The following AGBL4 variants were observed in gnomAD, a reference collection of about 807,000 sequenced individuals.
AGBL4 encodes AGBL carboxypeptidase 4.
A neutral mutation model predicts 66.4 loss-of-function variants in AGBL4; 58 were observed. The ratio of observed to expected loss-of-function variants is 0.87; its 90% CI spans 0.71 to 1.09. The LOEUF (loss-of-function observed/expected upper bound fraction) is 1.09, where lower values mean the gene tolerates loss of function less well. Ranked by LOEUF, AGBL4 falls within the 50% of genes least tolerant of loss-of-function variation. AGBL4 has a pLI of 0.00. For synonymous variants in AGBL4, 234 were observed against 222.9 expected, an observed-to-expected ratio of 1.05 and a Z score of -0.44; for missense variants, 579 against 631.0, an observed-to-expected ratio of 0.92 and a Z score of 0.88.
chr1:49,231,370 G>A (rs889406513), intron 4 of AGBL4, among the ~76,000 whole-genome samples: 4 of 152,154 alleles, frequency 2.6e-5, no homozygotes, highest in Non-Finnish European at 2.9e-5. Flanking sequence ...TAGGAGACTC[G>A]TGGCAGTCGA....
At chr1:49,178,779 C>A (rs1284417211) in intron 4 of AGBL4, among the ~76,000 whole-genome samples, 1 of 152,060 alleles carries the variant, frequency 6.6e-6, no homozygotes, top group Non-Finnish European at 1.5e-5. Flanking sequence ...CAGTTCAGGA[C>A]CTGAAACAGA....
chr1:49,811,706 CA>C (rs1645106865), intron 2 of AGBL4, among the ~76,000 whole-genome samples: 2 of 152,082 alleles, frequency 1.3e-5, no homozygotes, highest in Admixed American at 1.3e-4. Context: ...CCTCCTGCAT[CA>C]GCCTCCCAAA....
intron 6 of AGBL4, among the ~76,000 whole-genome samples, chr1:48,726,766 T>C (rs1026637713): frequency 6.6e-6 from 1 of 152,260 alleles, no homozygotes; most frequent in African/African-American, 2.4e-5. Flanking sequence ...GCCACTTTTC[T>C]AACCAACAAT....
intron 9 of AGBL4, among the ~76,000 whole-genome samples, chr1:48,605,950 G>T (rs1040814113): frequency 6.6e-6 from 1 of 152,042 alleles, no homozygotes; most frequent in African/African-American, 2.4e-5. Context: ...TGTATTTTCT[G>T]TTTATTGCCA....
chr1:49,048,600 T>G (rs573329751), intron 4 of AGBL4, among the ~76,000 whole-genome samples: 1 of 152,180 alleles, frequency 6.6e-6, no homozygotes, highest in South Asian at 2.1e-4. Context: ...ATGCAAAGAA[T>G]AAAGCAAAGG....
At chr1:48,945,910 C>T (rs1557488680) in intron 5 of AGBL4, among the ~76,000 whole-genome samples, 1 of 152,142 alleles carries the variant, frequency 6.6e-6, no homozygotes, top group East Asian at 1.9e-4. Flanking sequence ...TATGAGAATT[C>T]AATGAGTTAA....
At chr1:49,796,520 A>C (rs1299657597) in intron 2 of AGBL4, among the ~76,000 whole-genome samples, 1 of 150,972 alleles carries the variant, frequency 6.6e-6, no homozygotes, top group Non-Finnish European at 1.5e-5. Flanking sequence ...TTAAATTTAA[A>C]TTTAAAATTT....
chr1:48,853,440 T>C (rs1276863959), intron 6 of AGBL4, among the ~76,000 whole-genome samples: 2 of 152,236 alleles, frequency 1.3e-5, no homozygotes, highest in Non-Finnish European at 2.9e-5. Context: ...GATGCAGCAA[T>C]GTAATCACAG....
chr1:48,612,804 ACTTTTTTTTCCCC>A (rs1398540466), intron 9 of AGBL4, among the ~76,000 whole-genome samples: 2 of 152,224 alleles, frequency 1.3e-5, no homozygotes, highest in African/African-American at 4.8e-5. Context: ...CTCACAAGAG[ACTTTTTTTTCCCC>A]TAAAAGATAT....
intron 3 of AGBL4, among the ~76,000 whole-genome samples, chr1:49,313,814 G>A (rs1336799503): frequency 1.3e-5 from 2 of 152,104 alleles, no homozygotes; most frequent in African/African-American, 4.8e-5. Context: ...CCATTCTGTA[G>A]CTTGCCTGTT....
chr1:49,139,153 A>T (rs1395938434), intron 4 of AGBL4, among the ~76,000 whole-genome samples: 1 of 152,140 alleles, frequency 6.6e-6, no homozygotes, highest in Non-Finnish European at 1.5e-5. Flanking sequence ...CACTCCTCCA[A>T]CACTTAAAAT....
intron 3 of AGBL4, among the ~76,000 whole-genome samples, chr1:49,282,642 G>C (rs544801160): frequency 6.3e-4 from 96 of 152,318 alleles, no homozygotes; most frequent in African/African-American, 2.3e-3. Flanking sequence ...GCCAGACAGT[G>C]GGCGCAGGTC....
intron 6 of AGBL4, among the ~76,000 whole-genome samples, chr1:48,672,286 T>A (rs915403783): frequency 6.6e-6 from 1 of 152,234 alleles, no homozygotes; most frequent in Non-Finnish European, 1.5e-5. Flanking sequence ...AGAGTGGGAA[T>A]GAATCCTTCT....
At chr1:49,543,073 G>A (rs1018718523) in intron 3 of AGBL4, among the ~76,000 whole-genome samples, 3 of 151,874 alleles carry the variant, frequency 2.0e-5, no homozygotes, top group African/African-American at 7.3e-5. Context: ...TAATTAATTT[G>A]AATCACTAAA....
chr1:49,844,471 T>C (rs1186461414), intron 2 of AGBL4, among the ~76,000 whole-genome samples: 16 of 152,160 alleles, frequency 1.1e-4, no homozygotes, highest in Non-Finnish European at 1.6e-4. Context: ...TGTTCTTTCC[T>C]CTTCCTTTCC....
At chr1:49,618,869 T>A (rs1246224094) in intron 3 of AGBL4, among the ~76,000 whole-genome samples, 2 of 151,972 alleles carry the variant, frequency 1.3e-5, no homozygotes, top group Non-Finnish European at 2.9e-5. Flanking sequence ...ATGACAAAAA[T>A]ACATGATTAT....
At chr1:49,779,289 A>G (rs1380546964) in intron 2 of AGBL4, among the ~76,000 whole-genome samples, 1 of 152,214 alleles carries the variant, frequency 6.6e-6, no homozygotes, top group Non-Finnish European at 1.5e-5. Flanking sequence ...AATGAATACC[A>G]TGAGCAAACT....
intron 3 of AGBL4, among the ~76,000 whole-genome samples, chr1:49,350,729 A>C (rs1233281663): frequency 6.6e-6 from 1 of 152,044 alleles, no homozygotes; most frequent in Non-Finnish European, 1.5e-5. Flanking sequence ...ACTGCACCCA[A>C]TGTGTAGTCT....
chr1:49,823,991 A>C (rs1645438903), intron 2 of AGBL4, among the ~76,000 whole-genome samples: 1 of 152,070 alleles, frequency 6.6e-6, no homozygotes, highest in Non-Finnish European at 1.5e-5. Context: ...TGGGTGGATC[A>C]CCTGAAGTTG....
Sources: gnomAD v4.1 joint callset for allele counts (sites outside exome capture counted in the v4.1 genomes callset) on GRCh38, gnomAD v4.1.1 for gene constraint, MANE v1.5 for transcripts, NCBI Gene and HGNC (gene_info 2026-07-23, HGNC 2026-07-21) for gene names.